TTC21B: variants seen among roughly 807,000 people sequenced by gnomAD.
TTC21B encodes the protein tetratricopeptide repeat domain 21B, also known as tetratricopeptide repeat protein 21B.
TTC21B carries 127 observed loss-of-function variants against 175.1 expected under a neutral mutation model. The ratio of observed to expected loss-of-function variants is 0.73; its 90% confidence interval spans 0.63 to 0.84. The LOEUF (loss-of-function observed/expected upper bound fraction) is 0.84. Among genes scored for constraint, TTC21B ranks in the 40% least tolerant of loss-of-function variants. The pLI is 0.00. For synonymous variants in TTC21B, 524 were observed against 524.5 expected (o/e 1.00, Z 0.01); for missense variants, 1,561 against 1,558.3 (o/e 1.00, Z -0.03).
At chr2:165,946,979 T>C (rs1418763059) in intron 3 of TTC21B, among the ~76,000 whole-genome samples, 1 of 151,708 alleles carries the variant, frequency 6.6e-6, no homozygotes, top group Admixed American at 6.6e-5. Context: ...ACAGGTCCAG[T>C]ACTGGTACTC....
intron 1 of TTC21B, among the ~76,000 whole-genome samples, 172 bp downstream of exon 1, chr2:165,953,513 C>A (rs958877196): frequency 6.6e-6 from 1 of 152,214 alleles, no homozygotes; most frequent in African/African-American, 2.4e-5. Context: ...CCGCGGAGAC[C>A]GGCCGTGAGC....
At position 165,929,633 on chromosome 2, in the gene TTC21B, A is replaced by T. The variant is rs1686809347; in HGVS notation, c.1185+17T>A. 1.3e-6 allele frequency: 2 copies of T among 1,564,374 alleles called. No individual in the cohort carries two copies. The highest frequency in any genetic ancestry group is 1.8e-6 in the Non-Finnish European group (2 of 1,135,722). On this transcript the variant is annotated intron_variant, in intron 10 of 28. Transcript: ENST00000243344. ...AAACAGCTAGCATCTACCAGCTGAT[A>T]AAATAAAATACTGTACCGCAGATTT...
intron 24 of TTC21B, 112 bp from the exon 25 acceptor site, chr2:165,888,586 T>A: frequency 3.9e-6 from 3 of 770,386 alleles, no homozygotes; most frequent in Non-Finnish European, 6.5e-6. Context: ...ATACTCTTTT[T>A]GTCACTCATT....
At chr2:165,895,811 T>C (rs1330927868) in intron 22 of TTC21B, among the ~76,000 whole-genome samples, 2 of 152,102 alleles carry the variant, frequency 1.3e-5, no homozygotes, top group Non-Finnish European at 2.9e-5. Flanking sequence ...TACTCTGGAA[T>C]AGACAGGGCA....
rs762419505 is a variant in TTC21B, at chr2:165,883,985, T to C, written c.3493A>G (p.Thr1165Ala). 9 of 1,614,132 alleles carry C rather than the reference T, an allele frequency of 5.6e-6. No individual in the cohort carries two copies. In the South Asian group the frequency reaches 6.6e-5, roughly 12 times the overall value. Residue 1165 changes from threonine (T) to alanine (A), a missense_variant, in exon 26 of 29, where the codon ACG becomes GCG. By Grantham distance (58) the Thr-to-Ala change is moderately conservative (BLOSUM62 0). Coordinates refer to ENST00000243344, the MANE Select transcript of TTC21B (RefSeq NM_024753.5). ...EHIPALLGMA[T>A]AYMILKQTPR... ...GTCTGTTTCAAGATCATATAAGCCG[T>C]TGCCATTCCCAAGAGCGCTGGGATA... is the stretch of plus-strand genomic sequence containing the variant.
At chr2:165,920,761 T>C (rs1251274831) in intron 12 of TTC21B, among the ~76,000 whole-genome samples, 2 of 148,920 alleles carry the variant, frequency 1.3e-5, no homozygotes, top group East Asian at 3.9e-4. Flanking sequence ...ATTTAAAATA[T>C]TTTGAAATAT....
At chr2:165,947,326 G>A (rs993262594) in intron 3 of TTC21B, 10 of 150,948 alleles carry the variant, frequency 6.6e-5, no homozygotes, top group African/African-American at 2.2e-4. Context: ...TTTCTGGAAT[G>A]GCTACCAAGA....
At chr2:165,900,097 C>T (rs1685506900) in intron 20 of TTC21B, among the ~76,000 whole-genome samples, 1 of 148,866 alleles carries the variant, frequency 6.7e-6, no homozygotes, top group Non-Finnish European at 1.5e-5. Flanking sequence ...GGTAGTAACT[C>T]ACTTCAAAAG....
chr2:165,919,525 T>C (rs2105329613), intron 12 of TTC21B, 92 bp from the exon 13 acceptor site: 1 of 1,387,132 alleles, frequency 7.2e-7, no homozygotes, highest in East Asian at 2.4e-5. Context: ...AGTTTACGGA[T>C]AGCCCTAGTG....
At chr2:165,894,877 C>G (rs1241424675) in intron 22 of TTC21B, among the ~76,000 whole-genome samples, 1 of 152,098 alleles carries the variant, frequency 6.6e-6, no homozygotes, top group African/African-American at 2.4e-5. Context: ...TAGTAAAATA[C>G]TATAAGTAAT....
rs374803311 is a variant in TTC21B at position 165,949,514 on chromosome 2, A to G, written c.152-10T>C. ...GCTTCTTGAGTTTTACCTGAAAATC[A>G]AGATTATGATATGAAAAACTGTTCT... On this transcript the variant is annotated splice_polypyrimidine_tract_variant and intron_variant, in intron 2 of 28. Coordinates refer to ENST00000243344, the MANE Select transcript of TTC21B (RefSeq NM_024753.5). 4.3e-6 allele frequency: 7 copies of G among 1,613,474 alleles called. No individual in the cohort carries two copies. The highest frequency in any genetic ancestry group is 5.9e-6 in the Non-Finnish European group (7 of 1,179,654).
At chr2:165,951,671 T>C (rs935900263) in intron 1 of TTC21B, among the ~76,000 whole-genome samples, 29 of 152,266 alleles carry the variant, frequency 1.9e-4, no homozygotes, top group African/African-American at 6.3e-4. Flanking sequence ...ATCCAAAACA[T>C]TTACTGACTG....
chr2:165,890,362 T>C (rs1193409970), intron 24 of TTC21B, 117 bp downstream of exon 24: 6 of 929,832 alleles, frequency 6.5e-6, no homozygotes, highest in African/African-American at 1.7e-5. Flanking sequence ...ATTTATTTAA[T>C]TTATTCATCT....
intron 12 of TTC21B, among the ~76,000 whole-genome samples, chr2:165,921,897 T>C (rs959309490): frequency 4.6e-5 from 7 of 151,672 alleles, no homozygotes; most frequent in African/African-American, 1.7e-4. Flanking sequence ...TATTTAGTGG[T>C]GATTTCTGAA....
At chr2:165,936,310 C>A (rs1248727947) in intron 6 of TTC21B, among the ~76,000 whole-genome samples, 1 of 151,948 alleles carries the variant, frequency 6.6e-6, no homozygotes, top group Non-Finnish European at 1.5e-5. Context: ...AAAAATTAAT[C>A]TGAAATAGAT....
At chr2:165,903,518 G>C (rs1207307929) in intron 19 of TTC21B, among the ~76,000 whole-genome samples, 1 of 152,152 alleles carries the variant, frequency 6.6e-6, no homozygotes, top group Admixed American at 6.5e-5. Flanking sequence ...CCATCACCCT[G>C]GTGTCACTGT....
At chr2:165,939,358 G>A (rs932072512) in intron 6 of TTC21B, among the ~76,000 whole-genome samples, 6 of 152,102 alleles carry the variant, frequency 3.9e-5, no homozygotes, top group Admixed American at 3.9e-4. Context: ...AATCCAAACT[G>A]AAGTAAAGGT....
At chr2:165,895,980 T>A (rs1483776705) in intron 22 of TTC21B, among the ~76,000 whole-genome samples, 1 of 152,176 alleles carries the variant, frequency 6.6e-6, no homozygotes, top group Non-Finnish European at 1.5e-5. Context: ...TCGCTGGGGA[T>A]ATTTTATTTT....
In TTC21B at chr2:165,931,794, T is replaced by C. The variant is rs1245772572; in HGVS notation, c.858A>G (p.Gln286=). 6.2e-7 allele frequency: 1 copy of C among 1,613,626 alleles called. No individual in the cohort carries two copies. Among genetic ancestry groups the C allele is most frequent in the African/African-American group, 1.3e-5 (1 of 75,026 alleles). ...AGGCGAGTGTAATGTTATAGAAAAG[T>C]TGAGCATTCTGTGGTTCCATGGCAT... ...TLDAMEPQNA[Q]LFYNITLAFS... The change falls in exon 8 of 29, where the codon CAA becomes CAG. Residue 286 remains glutamine (Q), a synonymous_variant. Coordinates refer to ENST00000243344, the MANE Select transcript of TTC21B (RefSeq NM_024753.5).
Sources: gnomAD v4.1 joint callset for allele counts (sites outside exome capture counted in the v4.1 genomes callset) on GRCh38, gnomAD v4.1.1 for gene constraint, MANE v1.5 for transcripts, NCBI Gene and HGNC (gene_info 2026-07-23, HGNC 2026-07-21) for gene names.